TAFA5: variants seen among roughly 807,000 people sequenced by gnomAD.
TAFA5 encodes TAFA chemokine like family member 5, also known as chemokine-like protein TAFA-5.
Under a neutral mutation model 15.3 loss-of-function variants are expected in TAFA5, and 6 were observed. The ratio of observed to expected loss-of-function variants is 0.39; its 90% CI spans 0.21 to 0.77. The LOEUF is 0.77. Ranked by LOEUF, TAFA5 falls within the 30% of genes least tolerant of loss-of-function variation. The pLI is 0.41. For synonymous variants in TAFA5, 103 were observed against 80.7 expected (o/e 1.28, Z -1.48); for missense variants, 161 against 193.1 (o/e 0.83, Z 0.98).
At chr22:48,740,221 C>A (rs1279116692) in intron 3 of TAFA5, among the ~76,000 whole-genome samples, 1 of 152,138 alleles carries the variant, frequency 6.6e-6, no homozygotes, top group East Asian at 1.9e-4. Context: ...CAAGGAGAAG[C>A]CTATACCCCA....
intron 1 of TAFA5, among the ~76,000 whole-genome samples, chr22:48,622,183 T>TGG (rs969022799): frequency 7.2e-5 from 11 of 152,106 alleles, no homozygotes; most frequent in African/African-American, 2.7e-4. Context: ...TGACACCATG[T>TGG]GGTATTCAGG....
chr22:48,707,909 C>T (rs1471414958), intron 3 of TAFA5, 65 bp downstream of exon 3: 8 of 1,561,956 alleles, frequency 5.1e-6, no homozygotes, highest in Middle Eastern at 1.9e-4. Context: ...GGGCCTCCGA[C>T]GCCACCCGGG....
intron 1 of TAFA5, among the ~76,000 whole-genome samples, chr22:48,499,476 C>A (rs2147094939): frequency 6.6e-6 from 1 of 152,296 alleles, no homozygotes; most frequent in Non-Finnish European, 1.5e-5. Context: ...TGCTTTATGT[C>A]CATCTCTGCG....
At chr22:48,519,780 TC>T (rs1921540114) in intron 1 of TAFA5, among the ~76,000 whole-genome samples, 1 of 151,962 alleles carries the variant, frequency 6.6e-6, no homozygotes, top group African/African-American at 2.4e-5. Flanking sequence ...GCCGAGCAGG[TC>T]CCGTACCTCT....
At chr22:48,508,301 C>CG (rs571917418) in intron 1 of TAFA5, among the ~76,000 whole-genome samples, 34 of 152,148 alleles carry the variant, frequency 2.2e-4, no homozygotes, top group African/African-American at 7.7e-4. Context: ...AGAGAGTAGG[C>CG]GGGGGTGCAG....
chr22:48,724,514 A>G (rs1929661037), intron 3 of TAFA5, among the ~76,000 whole-genome samples: 1 of 152,220 alleles, frequency 6.6e-6, no homozygotes, highest in African/African-American at 2.4e-5. Flanking sequence ...TAATGCAGCC[A>G]CACACTCACT....
chr22:48,602,674 G>A (rs890878167), intron 1 of TAFA5, among the ~76,000 whole-genome samples: 4 of 152,156 alleles, frequency 2.6e-5, no homozygotes, highest in African/African-American at 7.2e-5. Context: ...CGCTTGGCTC[G>A]CCGCACATGT....
chr22:48,605,439 T>C (rs1368613779), intron 1 of TAFA5, among the ~76,000 whole-genome samples: 3 of 148,958 alleles, frequency 2.0e-5, no homozygotes, highest in South Asian at 2.1e-4. Flanking sequence ...GTGGTGGTGG[T>C]GGTGGTGATG....
intron 1 of TAFA5, among the ~76,000 whole-genome samples, chr22:48,591,583 G>T (rs531250735): frequency 6.6e-6 from 1 of 152,236 alleles, no homozygotes; most frequent in African/African-American, 2.4e-5. Flanking sequence ...GACCGGGGGC[G>T]GCCCTGAGGG....
At chr22:48,514,824 G>A (rs942825750) in intron 1 of TAFA5, among the ~76,000 whole-genome samples, 3 of 152,262 alleles carry the variant, frequency 2.0e-5, no homozygotes, top group East Asian at 1.9e-4. Flanking sequence ...GAATGTTGAC[G>A]TGGTACTAAT....
At chr22:48,682,528 A>C (rs996788976) in intron 2 of TAFA5, among the ~76,000 whole-genome samples, 12 of 152,360 alleles carry the variant, frequency 7.9e-5, no homozygotes, top group African/African-American at 2.6e-4. Context: ...TGACATCCTT[A>C]CCAGCGGTTG....
intron 1 of TAFA5, among the ~76,000 whole-genome samples, chr22:48,641,998 C>T (rs1364011989): frequency 1.3e-5 from 2 of 152,118 alleles, no homozygotes; most frequent in African/African-American, 4.8e-5. Flanking sequence ...ACCAGCAGCA[C>T]GCTGAGGGGG....
At chr22:48,711,192 A>C (rs940269570) in intron 3 of TAFA5, among the ~76,000 whole-genome samples, 1 of 152,094 alleles carries the variant, frequency 6.6e-6, no homozygotes, top group East Asian at 1.9e-4. Flanking sequence ...CTTCCAGGCT[A>C]GTGACTCTCA....
At chr22:48,539,784 A>G (rs919443459) in intron 1 of TAFA5, among the ~76,000 whole-genome samples, 1 of 152,198 alleles carries the variant, frequency 6.6e-6, no homozygotes, top group Non-Finnish European at 1.5e-5. Context: ...TCAGCTGACC[A>G]GGCAAGGTCA....
chr22:48,611,183 C>T (rs1296342048), intron 1 of TAFA5, among the ~76,000 whole-genome samples: 1 of 152,218 alleles, frequency 6.6e-6, no homozygotes, highest in Non-Finnish European at 1.5e-5. Context: ...GATCCGCCCG[C>T]CTTGGCCTCC....
At chr22:48,703,927 A>G (rs1228668929) in intron 2 of TAFA5, among the ~76,000 whole-genome samples, 1 of 152,224 alleles carries the variant, frequency 6.6e-6, no homozygotes, top group Admixed American at 6.5e-5. Context: ...TCCCTGTTGC[A>G]GTTGAAGGGC....
intron 2 of TAFA5, among the ~76,000 whole-genome samples, chr22:48,689,789 G>A (rs1928480667): frequency 6.6e-6 from 1 of 152,172 alleles, no homozygotes; most frequent in Admixed American, 6.5e-5. Flanking sequence ...TGGCATAACA[G>A]GTGAGGGGGG....
intron 1 of TAFA5, among the ~76,000 whole-genome samples, chr22:48,502,095 C>G (rs562144834): frequency 7.0e-4 from 106 of 152,326 alleles, no homozygotes; most frequent in African/African-American, 2.5e-3. Context: ...CGGTTTTCAC[C>G]TGATGTTTTA....
intron 2 of TAFA5, among the ~76,000 whole-genome samples, chr22:48,686,399 A>G (rs1367143963): frequency 1.3e-5 from 2 of 152,180 alleles, no homozygotes; most frequent in African/African-American, 4.8e-5. Context: ...GTGTCCTCAC[A>G]TACTGGAAAG....
Sources: allele counts gnomAD v4.1 joint callset (sites outside exome capture counted in the v4.1 genomes callset), GRCh38; gene constraint gnomAD v4.1.1; transcripts MANE v1.5; gene names NCBI Gene and HGNC (gene_info 2026-07-23, HGNC 2026-07-21).